RRP12: variants seen among roughly 807,000 people sequenced by gnomAD.
RRP12 encodes the protein ribosomal RNA processing 12 homolog, also known as RRP12-like protein.
RRP12 carries 78 observed loss-of-function variants against 157.3 expected under a neutral mutation model. The ratio of observed to expected loss-of-function variants is 0.50; its 90% CI spans 0.41 to 0.60. The LOEUF (loss-of-function observed/expected upper bound fraction) is 0.60, where lower values mean the gene tolerates loss of function less well. Among genes scored for constraint, RRP12 ranks in the 20% least tolerant of loss-of-function variants. RRP12 has a pLI of 0.00. For missense variants in RRP12, 1,521 were observed against 1,679.9 expected, an observed-to-expected ratio of 0.91 and a Z score of 1.65; for synonymous variants, 726 against 670.9, an observed-to-expected ratio of 1.08 and a Z score of -1.27.
At chr10:97,373,550 C>A in intron 17 of RRP12, 25 bp downstream of exon 17, 1 of 1,570,920 alleles carries the variant, frequency 6.4e-7, no homozygotes, top group South Asian at 1.2e-5. Context: ...CCTCCCCAGC[C>A]CCCACTCCCA....
At position 97,357,150 on chromosome 10, in the gene RRP12, C is replaced by A; in HGVS notation, c.3838G>T (p.Ala1280Ser). The change falls in exon 34 of 34, where the codon GCC becomes TCC. Residue 1280 changes from alanine to serine, a missense_variant. Coordinates refer to ENST00000370992, the MANE Select transcript of RRP12 (RefSeq NM_015179.4). ...TGTCCCACCTGGGAACCTCGCCGGGCAGCCTTCACCAGGCCTTTGAACTGT... is the reference window on the plus strand; with the variant it reads ...TGTCCCACCTGGGAACCTCGCCGGGAAGCCTTCACCAGGCCTTTGAACTGT... ...QGQFKGLVKA[A>S]RRGSQVGHKN... is the part of the protein sequence containing the mutation. 1.9e-6 allele frequency: 3 copies of A among 1,613,420 alleles called. No individual in the cohort carries two copies. The highest frequency in any genetic ancestry group is 2.5e-6 in the Non-Finnish European group (3 of 1,179,536).
At position 97,373,825 on chromosome 10, in the gene RRP12, C is replaced by A. The variant is rs763046968; in HGVS notation, c.1863+5G>T. 1 of 1,613,922 alleles carries A rather than the reference C, an allele frequency of 6.2e-7. No homozygotes were observed. The highest frequency in any genetic ancestry group is 1.1e-5 in the South Asian group (1 of 91,090). On this transcript the variant is annotated splice_donor_5th_base_variant and intron_variant, in intron 16 of 33. Coordinates refer to ENST00000370992, the MANE Select transcript of RRP12 (RefSeq NM_015179.4). ...TCCCCACGCCCTCCCCCAGCTGACC[C>A]TTACCTGCCACTGGAGTGTGTCGTA... is the stretch of plus-strand genomic sequence containing the variant.
chr10:97,363,582 C>G (rs2135002318), intron 30 of RRP12, among the ~76,000 whole-genome samples: 1 of 152,322 alleles, frequency 6.6e-6, no homozygotes, highest in South Asian at 2.1e-4. Flanking sequence ...CAGGAGCACA[C>G]AGGGAAGCTG....
chr10:97,371,470 C>T (rs547783740), intron 20 of RRP12: 2 of 237,468 alleles, frequency 8.4e-6, no homozygotes, highest in Non-Finnish European at 1.7e-5. Flanking sequence ...TCCCCCAACC[C>T]CCAACGCCGG....
intron 15 of RRP12, among the ~76,000 whole-genome samples, chr10:97,376,062 C>T (rs1195552430): frequency 6.6e-6 from 1 of 151,948 alleles, no homozygotes; most frequent in Non-Finnish European, 1.5e-5. Flanking sequence ...AAGATCGCAC[C>T]ACTGCACTCC....
chr10:97,390,600 G>C, intron 5 of RRP12, 61 bp from the exon 6 acceptor site: 1 of 1,427,296 alleles, frequency 7.0e-7, no homozygotes, highest in Non-Finnish European at 9.9e-7. Context: ...AAAGAGCCCA[G>C]GTTCTCACTG....
intron 2 of RRP12, among the ~76,000 whole-genome samples, chr10:97,398,034 T>C (rs1845028116): frequency 1.2e-5 from 1 of 86,448 alleles, no homozygotes; most frequent in Non-Finnish European, 2.1e-5. Context: ...TATATATATA[T>C]ACGTATTTTT....
chr10:97,357,821 T>C (rs1313203628), intron 33 of RRP12, among the ~76,000 whole-genome samples: 1 of 151,406 alleles, frequency 6.6e-6, no homozygotes, highest in Middle Eastern at 3.2e-3. Context: ...TAGCCGGGTG[T>C]GGTGGCGGGT....
intron 18 of RRP12, 37 bp from the exon 19 acceptor site, chr10:97,372,840 T>C (rs1481698964): frequency 3.2e-6 from 5 of 1,544,234 alleles, no homozygotes; most frequent in Non-Finnish European, 8.8e-7. Flanking sequence ...AGAGAGTCAT[T>C]GGGGAGGAGC....
Position 97,357,029 on chromosome 10 carries a change from C to A in RRP12, c.*65G>T. ...AATCTTGAGCACCTGGAGCTGGTGG[C>A]AAGGCAGCCTGGGGGCTGAAAGGGC... On this transcript the variant is annotated 3_prime_UTR_variant, in exon 34 of 34. Transcript: ENST00000370992. 1 of 915,948 alleles carries A rather than the reference C, an allele frequency of 1.1e-6. No homozygotes were observed. The highest frequency in any genetic ancestry group is 1.7e-6 in the Non-Finnish European group (1 of 575,304). The allele number at this position is 915,948 out of a possible 1,614,324, so 56.7% of individuals were successfully genotyped here. A position where few individuals can be genotyped will look rare whatever the true frequency, so the allele number is the denominator to read the frequency against.
intron 15 of RRP12, among the ~76,000 whole-genome samples, chr10:97,375,085 C>T (rs1844268761): frequency 6.6e-6 from 1 of 151,986 alleles, no homozygotes; most frequent in South Asian, 2.1e-4. Context: ...TGGTTTCTTT[C>T]TTTCTTTATA....
intron 6 of RRP12, among the ~76,000 whole-genome samples, chr10:97,389,163 G>A (rs985176168): frequency 3.9e-5 from 6 of 152,168 alleles, no homozygotes; most frequent in South Asian, 2.1e-4. Flanking sequence ...GGCGGATCTC[G>A]GCTCACTGCA....
At chr10:97,372,451 C>A (rs189561373) in intron 19 of RRP12, among the ~76,000 whole-genome samples, 156 of 152,268 alleles carry the variant, frequency 1.0e-3, no homozygotes, top group Admixed American at 2.4e-3. Flanking sequence ...GCCTTAGAGG[C>A]AGAATGGATA....
At chr10:97,398,427 C>T (rs1256086336) in intron 2 of RRP12, among the ~76,000 whole-genome samples, 2 of 143,648 alleles carry the variant, frequency 1.4e-5, no homozygotes, top group Admixed American at 7.3e-5. Context: ...GATCTTGGGT[C>T]GCTGCAACCT....
In RRP12 at chr10:97,380,817, G is replaced by C; in HGVS notation, c.1515C>G (p.Ala505=). 6.2e-7 allele frequency: 1 copy of C among 1,613,666 alleles called. No individual in the cohort carries two copies. Among genetic ancestry groups the C allele is most frequent in the Non-Finnish European group, 8.5e-7 (1 of 1,179,582 alleles). ...CVFFEACGRQ[A]HPVMRKCLQS... Reference sequence around the variant, plus strand: ...CACTCACCTTCCTCATCACAGGGTGGGCCTGTCTCCCACACGCCTCGAAGA... The same window carrying C: ...CACTCACCTTCCTCATCACAGGGTGCGCCTGTCTCCCACACGCCTCGAAGA... Residue 505 remains alanine, a synonymous_variant, in exon 13 of 34, where the codon GCC becomes GCG. Coordinates refer to ENST00000370992, the MANE Select transcript of RRP12 (RefSeq NM_015179.4).
In RRP12 at chr10:97,363,878, T is replaced by C. The variant is rs1285838387; in HGVS notation, c.3543A>G (p.Pro1181=). The C allele has an allele frequency of 6.2e-7, 1 of 1,613,948 alleles. No individual in the cohort carries two copies. The highest frequency in any genetic ancestry group is 8.5e-7 in the Non-Finnish European group (1 of 1,179,974). The change falls in exon 30 of 34, where the codon CCA becomes CCG. Residue 1181 remains proline (P), a synonymous_variant. Coordinates refer to ENST00000370992, the MANE Select transcript of RRP12 (RefSeq NM_015179.4). ...CATTCCTGATGATCACATCTTCCAT[T>C]GGGTCAGCCATCTCTTCATCTTCGC... ...AKGEDEEMAD[P]MEDVIIRNKK... is the part of the protein sequence containing the mutation.
Position 97,379,353 on chromosome 10 carries a change from T to C in RRP12, c.1738A>G (p.Thr580Ala). ...TAGGTGGTGAAAAAACCAAGTCGCGTTTCCTGAACATGGTCTCGGATGACA... is the reference window on the plus strand; with the variant it reads ...TAGGTGGTGAAAAAACCAAGTCGCGCTTCCTGAACATGGTCTCGGATGACA... ...LPVIRDHVQE[T>A]RLGFFTTYFL... Residue 580 changes from threonine (T) to alanine (A), a missense_variant, in exon 15 of 34, where the codon ACG becomes GCG. Physicochemically the swap from Thr to Ala is moderately conservative, Grantham distance 58. Transcript: ENST00000370992. The C allele has an allele frequency of 6.2e-7, 1 of 1,614,140 alleles. No homozygotes were observed. The highest frequency in any genetic ancestry group is 8.5e-7 in the Non-Finnish European group (1 of 1,179,972).
At position 97,380,833 on chromosome 10, in the gene RRP12, G is replaced by A. The variant is rs1844445334; in HGVS notation, c.1499C>T (p.Ala500Val). 5 of 1,613,946 alleles carry A rather than the reference G, an allele frequency of 3.1e-6. No individual in the cohort carries two copies. In the African/African-American group the frequency reaches 4.0e-5, roughly 13 times the overall value. Reference protein sequence around the residue: ...VLQLLCVFFEACGRQAHPVMR... With the variant: ...VLQLLCVFFEVCGRQAHPVMR... ...CACAGGGTGGGCCTGTCTCCCACAC[G>A]CCTCGAAGAAGACACACAGCAGCTG... Residue 500 changes from alanine to valine, a missense_variant, in exon 13 of 34, where the codon GCG becomes GTG. By Grantham distance (64) the Ala-to-Val change is moderately conservative. Coordinates refer to ENST00000370992, the MANE Select transcript of RRP12 (RefSeq NM_015179.4).
intron 6 of RRP12, 125 bp from the exon 7 acceptor site, chr10:97,388,749 A>G: frequency 3.4e-6 from 4 of 1,176,152 alleles, no homozygotes; most frequent in Non-Finnish European, 4.8e-6. Flanking sequence ...TCTGACTACT[A>G]TAGATCCAGT....
Sources: allele counts gnomAD v4.1 joint callset (sites outside exome capture counted in the v4.1 genomes callset), GRCh38; gene constraint gnomAD v4.1.1; transcripts MANE v1.5; gene names NCBI Gene and HGNC (gene_info 2026-07-23, HGNC 2026-07-21).